Variants in C17orf113 observed in about 807,000 individuals in gnomAD.
C17orf113 encodes uncharacterized protein C17orf113.
A neutral mutation model predicts 11.6 loss-of-function variants in C17orf113; 5 were observed. The observed-to-expected ratio is 0.43, with a 90% CI of 0.23 to 0.91. The LOEUF (loss-of-function observed/expected upper bound fraction) is 0.91. C17orf113 is among the 40% of genes least tolerant of loss of function. C17orf113 has a pLI of 0.26. For synonymous variants in C17orf113, 327 were observed against 390.6 expected (o/e 0.84, Z 1.92); for missense variants, 714 against 841.3 (o/e 0.85, Z 1.87).
At chr17:42,045,523 A>C (rs1297234571) in intron 1 of C17orf113, among the ~76,000 whole-genome samples, 1 of 152,196 alleles carries the variant, frequency 6.6e-6, no homozygotes, top group Non-Finnish European at 1.5e-5. Context: ...GAGAGGACAA[A>C]ACTGAGGTCT....
Position 42,039,440 on chromosome 17 carries a change from G to T in C17orf113, c.*265C>A, listed in dbSNP as rs2052949781. 5 of 356,904 alleles carry T rather than the reference G, an allele frequency of 1.4e-5. No individual in the cohort carries two copies. The East Asian group carries it at 2.1e-4, about 15-fold the overall frequency. 22.1% of individuals were successfully genotyped at this position (356,904 alleles called of 1,614,324 possible). ...AGGGTGAGCTACTCCTCATCTAACT[G>T]TGTAAAGGCCAGGAATGATTTAGGG... On this transcript the variant is annotated 3_prime_UTR_variant, in exon 3 of 3. Coordinates refer to ENST00000587304, the MANE Select transcript of C17orf113 (RefSeq NM_001358661.2).
rs1209533934 is a variant in C17orf113, at chr17:42,040,703, T to C, written c.1030A>G (p.Ile344Val). 8.1e-7 allele frequency: 1 copy of C among 1,232,118 alleles called. No individual in the cohort carries two copies. Among genetic ancestry groups the C allele is most frequent in the African/African-American group, 1.6e-5 (1 of 64,410 alleles). 76.3% of individuals were successfully genotyped at this position (1,232,118 alleles called of 1,614,324 possible). A position where few individuals can be genotyped will look rare whatever the true frequency, so the allele number is the denominator to read the frequency against. ...ACTGGCCGAGGCCCTGCCAAGTCAATAGCTGCAAGGTCCAGTGCTGCCCGG... is the reference window on the plus strand; with the variant it reads ...ACTGGCCGAGGCCCTGCCAAGTCAACAGCTGCAAGGTCCAGTGCTGCCCGG... The part of the protein sequence containing the change: ...ELRAALDLAA[I>V]DLAGPRPVPW... Residue 344 changes from isoleucine to valine, a missense_variant, in exon 3 of 3, where the codon ATT (isoleucine) becomes GTT (valine). Ile to Val is a conservative substitution (Grantham distance 29). This residue lies in a region of C17orf113 where 516 missense variants were observed against 626.6 expected (regional missense o/e 0.82). Coordinates refer to ENST00000587304, the MANE Select transcript of C17orf113 (RefSeq NM_001358661.2).
intron 1 of C17orf113, among the ~76,000 whole-genome samples, chr17:42,048,676 G>C (rs2053220978): frequency 1.3e-5 from 2 of 152,190 alleles, no homozygotes; most frequent in South Asian, 4.1e-4. Flanking sequence ...TCTACATCCA[G>C]AACCTGCTCC....
Position 42,042,996 on chromosome 17 carries a change from G to A in C17orf113, c.381C>T (p.Ala127=), listed in dbSNP as rs557188495. 59 of 1,232,344 alleles carry A rather than the reference G, an allele frequency of 4.8e-5. No homozygotes were observed. The East Asian group carries it at 1.2e-3, about 25-fold the overall frequency. 76.3% of individuals were successfully genotyped at this position (1,232,344 alleles called of 1,614,324 possible). The change falls in exon 2 of 3, where the codon GCC becomes GCT. Residue 127 remains alanine (A), a synonymous_variant. Coordinates refer to ENST00000587304, the MANE Select transcript of C17orf113 (RefSeq NM_001358661.2). ...ACACAGTAGTCAGCACAGCCACTTTGGCCGGGTCTAACTCCACCTTGACGC... is the reference window on the plus strand; with the variant it reads ...ACACAGTAGTCAGCACAGCCACTTTAGCCGGGTCTAACTCCACCTTGACGC... ...SRGVKVELDP[A]KVAVLTTVYC...
intron 1 of C17orf113, among the ~76,000 whole-genome samples, chr17:42,045,924 T>C (rs2053150524): frequency 6.6e-6 from 1 of 152,212 alleles, no homozygotes; most frequent in Admixed American, 6.5e-5. Flanking sequence ...GCCATTCCTG[T>C]CTGCCCAATC....
intron 2 of C17orf113, among the ~76,000 whole-genome samples, chr17:42,042,584 C>T (rs373537185): frequency 5.9e-5 from 9 of 152,190 alleles, no homozygotes; most frequent in East Asian, 5.8e-4. Context: ...CAGTTTGCAA[C>T]GTCTGATTTA....
At position 42,048,915 on chromosome 17, in the gene C17orf113, C is replaced by A. The variant is rs144969481; in HGVS notation, c.-188+1642G>T. Among the ~76,000 whole-genome samples, 1,229 of 148,512 alleles carry A rather than the reference C, an allele frequency of 8.3e-3. 16 individuals are homozygous for A. Among genetic ancestry groups the A allele is most frequent in the African/African-American group, 0.029 (1,172 of 40,518 alleles). On this transcript the variant is annotated intron_variant, in intron 1 of 2. Coordinates refer to ENST00000587304, the MANE Select transcript of C17orf113 (RefSeq NM_001358661.2). ...CGAGATCATGCCACCGCACTCCAGC[C>A]TGGGAGACAGAGCAAGACTCCATCT...
chr17:42,045,935 A>G (rs2053150900), intron 1 of C17orf113, among the ~76,000 whole-genome samples: 2 of 152,142 alleles, frequency 1.3e-5, no homozygotes, highest in Non-Finnish European at 2.9e-5. Context: ...CTGCCCAATC[A>G]ATCCTGAAGG....
Position 42,039,932 on chromosome 17 carries a change from C to T in C17orf113, c.1801G>A (p.Ala601Thr). ...GCGGGCAGCGCCAAAGCCAAGGCGG[C>T]TAGGGCGGCGAAGTCGGGGAAGAGC... is the stretch of plus-strand genomic sequence containing the variant. ...HELFPDFAALAALALALPAGA... is the reference protein window; with the variant it reads ...HELFPDFAALTALALALPAGA... The change falls in exon 3 of 3, where the codon GCC becomes ACC. Residue 601 changes from alanine to threonine, a missense_variant. By Grantham distance (58) the Ala-to-Thr change is moderately conservative (BLOSUM62 0). Around this residue, in one of 3 missense-constraint regions of C17orf113, gnomAD observed 194 missense variants for 197.2 expected, o/e 0.98. Coordinates refer to ENST00000587304, the MANE Select transcript of C17orf113 (RefSeq NM_001358661.2). The T allele has an allele frequency of 1.6e-6, 2 of 1,231,222 alleles. No homozygotes were observed. Among genetic ancestry groups the T allele is most frequent in the Non-Finnish European group, 2.0e-6 (2 of 987,610 alleles). 76.3% of individuals were successfully genotyped at this position (1,231,222 alleles called of 1,614,324 possible). A position where few individuals can be genotyped will look rare whatever the true frequency, so the allele number is the denominator to read the frequency against.
In C17orf113 at chr17:42,042,823, C is replaced by G. The variant is rs1171802531; in HGVS notation, c.543+11G>C. On this transcript the variant is annotated intron_variant, in intron 2 of 2. Coordinates refer to ENST00000587304, the MANE Select transcript of C17orf113 (RefSeq NM_001358661.2). ...CCAAGCCCTTCCCCCATACTTCTGG[C>G]TGTCACCCACCTGCATGTCCCTCAC... 6 of 1,232,104 alleles carry G rather than the reference C, an allele frequency of 4.9e-6. No individual in the cohort carries two copies. The highest frequency in any genetic ancestry group is 6.1e-6 in the Non-Finnish European group (6 of 988,078). 76.3% of individuals were successfully genotyped at this position (1,232,104 alleles called of 1,614,324 possible).
In C17orf113 at chr17:42,039,585, C is replaced by T; in HGVS notation, c.*120G>A. ...AGCTCCAGAAGGGCGGGTGGATGGC[C>T]TCAGGCCCCTGGGAGGCTGCAGTCA... On this transcript the variant is annotated 3_prime_UTR_variant, in exon 3 of 3. Transcript: ENST00000587304. The T allele has an allele frequency of 1.0e-6, 1 of 984,028 alleles. No individual in the cohort carries two copies. The highest frequency in any genetic ancestry group is 1.3e-6 in the Non-Finnish European group (1 of 762,450). The allele number at this position is 984,028 out of a possible 1,614,324, so 61.0% of individuals were successfully genotyped here. A position where few individuals can be genotyped will look rare whatever the true frequency, so the allele number is the denominator to read the frequency against.
At position 42,043,525 on chromosome 17, in the gene C17orf113, T is replaced by A; in HGVS notation, c.-149A>T. ...GCCAGGCTAACAGGGCCCATCCATC[T>A]AAGCCTGGAGAGTTTATTCCTGCTC... On this transcript the variant is annotated 5_prime_UTR_variant, in exon 2 of 3. Coordinates refer to ENST00000587304, the MANE Select transcript of C17orf113 (RefSeq NM_001358661.2). 1.8e-6 allele frequency: 1 copy of A among 550,392 alleles called. No individual in the cohort carries two copies. The highest frequency in any genetic ancestry group is 2.7e-6 in the Non-Finnish European group (1 of 366,262). The allele number at this position is 550,392 out of a possible 1,614,324, so 34.1% of individuals were successfully genotyped here. A position where few individuals can be genotyped will look rare whatever the true frequency, so the allele number is the denominator to read the frequency against.
chr17:42,044,264 C>T (rs1322651404), intron 1 of C17orf113, among the ~76,000 whole-genome samples: 2 of 135,058 alleles, frequency 1.5e-5, no homozygotes, highest in African/African-American at 5.6e-5. Flanking sequence ...GCCATGATGG[C>T]GCCACTGCAT....
intron 1 of C17orf113, among the ~76,000 whole-genome samples, chr17:42,046,477 G>A (rs1350551530): frequency 2.6e-5 from 4 of 152,090 alleles, no homozygotes; most frequent in Admixed American, 1.3e-4. Context: ...GTGTATGCCT[G>A]TAGTCCCAGC....
At position 42,041,150 on chromosome 17, in the gene C17orf113, G is replaced by A. The variant is rs2053010015; in HGVS notation, c.583C>T (p.Arg195Cys). 4.9e-6 allele frequency: 6 copies of A among 1,232,350 alleles called. No homozygotes were observed. The highest frequency in any genetic ancestry group is 8.2e-5 in the South Asian group (2 of 24,324). 76.3% of individuals were successfully genotyped at this position (1,232,350 alleles called of 1,614,324 possible). Residue 195 changes from arginine to cysteine, a missense_variant, in exon 3 of 3, where the codon CGC becomes TGC. Arg to Cys is a radical substitution (Grantham distance 180, BLOSUM62 -3). Coordinates refer to ENST00000587304, the MANE Select transcript of C17orf113 (RefSeq NM_001358661.2). ...ASVLHTEACQ[R>C]LKASPYVGLV... ...CCCACATATGGGGATGCCTTCAGGC[G>A]CTGGCAGGCCTCTGTGTGCAAGACA...
intron 1 of C17orf113, among the ~76,000 whole-genome samples, chr17:42,048,707 C>T (rs539799678): frequency 6.6e-6 from 1 of 152,236 alleles, no homozygotes; most frequent in Admixed American, 6.5e-5. Flanking sequence ...CTTGTTGATT[C>T]TTCCTCCAAA....
rs765350080 is a variant in C17orf113, at chr17:42,040,405, C to T, written c.1328G>A (p.Arg443His). Residue 443 changes from arginine to histidine, a missense_variant, in exon 3 of 3, where the codon CGC becomes CAC. Arg to His is a conservative substitution (Grantham distance 29). Transcript: ENST00000587304. Reference sequence around the variant, plus strand: ...CTGGAGGCGGGCCCCACCTGAGCCGCGCTGAGCTTGGAGGGAGGCCGCAGC... The same window carrying T: ...CTGGAGGCGGGCCCCACCTGAGCCGTGCTGAGCTTGGAGGGAGGCCGCAGC... The part of the protein sequence containing the change: ...MAAAASLQAQ[R>H]GSGGARLQGF... The T allele has an allele frequency of 3.2e-6, 4 of 1,231,948 alleles. No homozygotes were observed. Among genetic ancestry groups the T allele is most frequent in the African/African-American group, 1.6e-5 (1 of 64,428 alleles). 76.3% of individuals were successfully genotyped at this position (1,231,948 alleles called of 1,614,324 possible).
At chr17:42,049,867 T>C (rs1036967327) in intron 1 of C17orf113, among the ~76,000 whole-genome samples, 1 of 152,218 alleles carries the variant, frequency 6.6e-6, no homozygotes, top group Non-Finnish European at 1.5e-5. Flanking sequence ...AATAAAACAT[T>C]AGCATTCAGC....
At position 42,050,324 on chromosome 17, in the gene C17orf113, G is replaced by C. The variant is rs566549371; in HGVS notation, c.-188+233C>G. The stretch of plus-strand genomic sequence containing the variant: ...TCCAGCACTCAGCAGACAGGGCCGG[G>C]CGCCCCCTGCTCTGACAGCCCTGGT... On this transcript the variant is annotated intron_variant, in intron 1 of 2. Transcript: ENST00000587304. This position sits in a 1 kb window ranked among gnomAD's most constrained non-coding sequence, Gnocchi z 5.6. Among the ~76,000 whole-genome samples, 1 of 152,308 alleles carries C rather than the reference G, an allele frequency of 6.6e-6. No individual in the cohort carries two copies. The highest frequency in any genetic ancestry group is 1.9e-4 in the East Asian group (1 of 5,176).
Sources: allele counts gnomAD v4.1 joint callset (sites outside exome capture counted in the v4.1 genomes callset), GRCh38; gene constraint gnomAD v4.1.1; regional missense constraint gnomAD v4.1.1; non-coding constraint Gnocchi (gnomAD v3.1); transcripts MANE v1.5; gene names NCBI Gene and HGNC (gene_info 2026-07-23, HGNC 2026-07-21).